CEP112: variants seen among roughly 807,000 people sequenced by gnomAD.
CEP112 encodes the protein centrosomal protein of 112 kDa.
In CEP112, 127 loss-of-function variants were observed where a neutral mutation model predicts 153.0. The observed-to-expected ratio is 0.83, with a 90% CI of 0.72 to 0.96. CEP112 has a LOEUF of 0.96. CEP112 is among the 40% of genes least tolerant of loss of function. CEP112 has a pLI of 0.00. For missense variants in CEP112, 1,089 were observed against 1,101.2 expected (o/e 0.99, Z 0.16); for synonymous variants, 358 against 374.4 (o/e 0.96, Z 0.51).
intron 21 of CEP112, chr17:65,826,509 C>T (rs2056847168): frequency 1.4e-6 from 2 of 1,404,798 alleles, no homozygotes; most frequent in East Asian, 2.7e-5. Flanking sequence ...ACATCACAAC[C>T]ACACTGCCTG....
chr17:65,977,038 A>G (rs2063063965), intron 17 of CEP112, among the ~76,000 whole-genome samples: 1 of 152,116 alleles, frequency 6.6e-6, no homozygotes. Flanking sequence ...AGGCCCGGCC[A>G]CTTTTTAAAC....
chr17:66,125,195 T>G (rs1422169838), intron 6 of CEP112, among the ~76,000 whole-genome samples: 1 of 152,240 alleles, frequency 6.6e-6, no homozygotes, highest in Non-Finnish European at 1.5e-5. Context: ...ATCAAAGTAT[T>G]AATTTTTTAT....
intron 16 of CEP112, among the ~76,000 whole-genome samples, chr17:66,018,700 G>A (rs1276781831): frequency 1.3e-5 from 2 of 152,128 alleles, no homozygotes; most frequent in Non-Finnish European, 2.9e-5. Flanking sequence ...TTTAAAAAGC[G>A]TGCATGATTG....
At position 65,635,786 on chromosome 17, in the gene CEP112, A is replaced by G; in HGVS notation, c.*185T>C. On this transcript the variant is annotated 3_prime_UTR_variant, in exon 27 of 27. Coordinates refer to ENST00000535342, the MANE Select transcript of CEP112 (RefSeq NM_001199165.4). ...TAAAGGAATGTTAAAAAAATAACTT[A>G]GGCAGACACAAATAAAACCACCCCA... 1 of 592,090 alleles carries G rather than the reference A, an allele frequency of 1.7e-6. No individual in the cohort carries two copies. Among genetic ancestry groups the G allele is most frequent in the East Asian group, 2.9e-5 (1 of 34,466 alleles). 36.7% of individuals were successfully genotyped at this position (592,090 alleles called of 1,614,324 possible).
chr17:66,029,777 C>T, intron 13 of CEP112, 92 bp downstream of exon 13: 1 of 1,070,554 alleles, frequency 9.3e-7, no homozygotes, highest in Non-Finnish European at 1.3e-6. Context: ...AGGCTAAACG[C>T]ACAAGGTGTA....
At position 66,013,667 on chromosome 17, in the gene CEP112, C is replaced by T. The variant is rs988467797; in HGVS notation, c.1657-7898G>A. Among the ~76,000 whole-genome samples the T allele has an allele frequency of 3.3e-5, 5 of 152,208 alleles. No individual in the cohort carries two copies. In the East Asian group the frequency reaches 7.7e-4, roughly 23 times the overall value. On this transcript the variant is annotated intron_variant, in intron 16 of 26. Transcript: ENST00000535342. Reference sequence around the variant, plus strand: ...CTCCAACGAGTGGTGCCAGCCAAAGCGCTTCATCAGGCAGTGGCAATGTGA... The same window carrying T: ...CTCCAACGAGTGGTGCCAGCCAAAGTGCTTCATCAGGCAGTGGCAATGTGA...
At chr17:65,992,221 T>C (rs2063620256) in intron 17 of CEP112, among the ~76,000 whole-genome samples, 1 of 152,124 alleles carries the variant, frequency 6.6e-6, no homozygotes, top group African/African-American at 2.4e-5. Flanking sequence ...TCCCCTAATA[T>C]TATAAATGTT....
chr17:66,034,798 TGTTTTTGTTTTC>T (rs1282644723), intron 12 of CEP112, among the ~76,000 whole-genome samples: 1 of 151,278 alleles, frequency 6.6e-6, no homozygotes, highest in Non-Finnish European at 1.5e-5. Flanking sequence ...GAATTTTTTT[TGTTTTTGTTTTC>T]GTTTTTGTTT....
intron 24 of CEP112, among the ~76,000 whole-genome samples, chr17:65,681,402 C>G (rs927312600): frequency 6.6e-6 from 1 of 151,884 alleles, no homozygotes; most frequent in South Asian, 2.1e-4. Context: ...TCAATATTAT[C>G]CACACATTCT....
chr17:65,717,316 T>A (rs1341024835), intron 23 of CEP112, among the ~76,000 whole-genome samples: 2 of 152,198 alleles, frequency 1.3e-5, no homozygotes, highest in Non-Finnish European at 2.9e-5. Flanking sequence ...TCAGCACACA[T>A]GTCCTGTCTT....
intron 21 of CEP112, among the ~76,000 whole-genome samples, chr17:65,778,690 T>C (rs1334113135): frequency 6.6e-6 from 1 of 152,208 alleles, no homozygotes; most frequent in Non-Finnish European, 1.5e-5. Context: ...CTTAGCATAT[T>C]AAAGGTAAGG....
rs76325394 is a variant in CEP112, at chr17:65,911,692, A to G, written c.1981-9358T>C. ...AAAAATAAATAAAAAAGAAAAAATG[A>G]GAGAAATCTTTCCGTTTCCCTTGTT... On this transcript the variant is annotated intron_variant, in intron 19 of 26. Coordinates refer to ENST00000535342, the MANE Select transcript of CEP112 (RefSeq NM_001199165.4). 8.2e-3 allele frequency among the ~76,000 whole-genome samples: 1,243 copies of G among 152,248 alleles called. 18 individuals carry two copies. The highest frequency in any genetic ancestry group is 0.029 in the African/African-American group (1,187 of 41,552).
chr17:65,711,054 G>A (rs2049159766), intron 23 of CEP112, among the ~76,000 whole-genome samples: 1 of 152,190 alleles, frequency 6.6e-6, no homozygotes, highest in Admixed American at 6.5e-5. Flanking sequence ...TGGCGAACTG[G>A]AGCTTCACTT....
chr17:65,694,940 A>G (rs1301638977), intron 23 of CEP112, among the ~76,000 whole-genome samples: 1 of 152,240 alleles, frequency 6.6e-6, no homozygotes, highest in Admixed American at 6.5e-5. Flanking sequence ...ACAAAACCCA[A>G]CTTGAACAGT....
At chr17:66,108,614 T>C (rs1417404762) in intron 6 of CEP112, among the ~76,000 whole-genome samples, 2 of 152,082 alleles carry the variant, frequency 1.3e-5, no homozygotes, top group African/African-American at 4.8e-5. Flanking sequence ...CAGGCAATAA[T>C]AAATGCTAAC....
intron 6 of CEP112, among the ~76,000 whole-genome samples, chr17:66,123,654 T>C (rs1424166782): frequency 6.6e-6 from 1 of 152,210 alleles, no homozygotes; most frequent in African/African-American, 2.4e-5. Context: ...AACCCCCTCT[T>C]CTTTTCTAAA....
At chr17:65,865,862 C>T (rs947247977) in intron 20 of CEP112, among the ~76,000 whole-genome samples, 11 of 152,170 alleles carry the variant, frequency 7.2e-5, no homozygotes, top group Admixed American at 6.5e-4. Flanking sequence ...CGGAGCAGCA[C>T]GGTTGGGCAC....
chr17:66,180,674 T>C (rs1297005044), intron 2 of CEP112, among the ~76,000 whole-genome samples: 1 of 152,156 alleles, frequency 6.6e-6, no homozygotes, highest in Admixed American at 6.5e-5. Context: ...TTAATCTACA[T>C]ATAATGGTCT....
At chr17:65,937,551 C>T (rs1205829364) in intron 18 of CEP112, among the ~76,000 whole-genome samples, 44 of 101,320 alleles carry the variant, frequency 4.3e-4, no homozygotes, top group African/African-American at 5.3e-4. Flanking sequence ...CCAGCCGCCC[C>T]GTCCGGGAGG....
Sources: allele counts gnomAD v4.1 joint callset (sites outside exome capture counted in the v4.1 genomes callset), GRCh38; gene constraint gnomAD v4.1.1; transcripts MANE v1.5; gene names NCBI Gene and HGNC (gene_info 2026-07-23, HGNC 2026-07-21).